HNRNPH3: variants seen among roughly 807,000 people sequenced by gnomAD.
The protein encoded by HNRNPH3 is heterogeneous nuclear ribonucleoprotein H3, also known as heterogeneous nuclear ribonucleoprotein 2H9.
HNRNPH3 carries 7 observed loss-of-function variants against 47.0 expected under a neutral mutation model. The ratio of observed to expected loss-of-function variants is 0.15; its 90% CI spans 0.08 to 0.28. HNRNPH3 has a LOEUF of 0.28. HNRNPH3 is among the 10% of genes least tolerant of loss of function. The pLI is 1.00. For missense variants in HNRNPH3, 279 were observed against 449.6 expected (o/e 0.62, Z 3.43); for synonymous variants, 120 against 143.2 (o/e 0.84, Z 1.16).
intron 1 of HNRNPH3, among the ~76,000 whole-genome samples, chr10:68,336,476 A>T (rs2045551256): frequency 6.6e-6 from 1 of 152,176 alleles, no homozygotes; most frequent in Non-Finnish European, 1.5e-5. Context: ...AATTTGAGTA[A>T]ACTGGTTTCT....
Position 68,341,621 on chromosome 10 carries a change from C to T in HNRNPH3, c.812C>T (p.Pro271Leu), listed in dbSNP as rs2045950877. The change falls in exon 8 of 10, where the codon CCT becomes CTT. Residue 271 changes from proline to leucine, a missense_variant. By Grantham distance (98) the Pro-to-Leu change is moderately conservative. This residue lies in a region of HNRNPH3 where 239 missense variants were observed against 335.8 expected (regional missense o/e 0.71). Transcript: ENST00000265866. ...RYIELFLNST[P>L]GGGSGMGGSG... Reference sequence around the variant, plus strand: ...ATTGAACTCTTCTTGAATTCTACTCCTGGAGGCGGCTCTGGCATGGGAGGT... The same window carrying T: ...ATTGAACTCTTCTTGAATTCTACTCTTGGAGGCGGCTCTGGCATGGGAGGT... The T allele has an allele frequency of 1.9e-6, 3 of 1,613,320 alleles. No individual in the cohort carries two copies. The highest frequency in any genetic ancestry group is 2.7e-5 in the African/African-American group (2 of 74,846).
At chr10:68,335,814 T>C (rs2045518837) in intron 1 of HNRNPH3, among the ~76,000 whole-genome samples, 1 of 152,184 alleles carries the variant, frequency 6.6e-6, no homozygotes, top group Non-Finnish European at 1.5e-5. Flanking sequence ...GTGGTTCAGG[T>C]AGCCAGTGAG....
At chr10:68,341,423 C>A in intron 7 of HNRNPH3, 114 bp downstream of exon 7, 1 of 1,173,196 alleles carries the variant, frequency 8.5e-7, no homozygotes, top group Non-Finnish European at 1.2e-6. Flanking sequence ...AACCATTTGA[C>A]CTCTATAATG....
Position 68,339,395 on chromosome 10 carries a change from TTGTATC to T in HNRNPH3, c.524-40_524-35del, listed in dbSNP as rs753166139. The T allele has an allele frequency of 3.2e-5, 49 of 1,551,750 alleles. No homozygotes were observed. The African/African-American group carries it at 6.2e-4, about 20-fold the overall frequency. The stretch of plus-strand genomic sequence containing the variant: ...ATAGTATGTATGTATACTTCCCTAC[TTGTATC>T]TGTAATAGTTTATAATCTTGGCAAA... On this transcript the variant is annotated intron_variant, in intron 5 of 9. Transcript: ENST00000265866.
At position 68,337,602 on chromosome 10, in the gene HNRNPH3, T is replaced by A; in HGVS notation, c.113-256T>A. On this transcript the variant is annotated intron_variant, in intron 2 of 9. Coordinates refer to ENST00000265866, the MANE Select transcript of HNRNPH3 (RefSeq NM_012207.3). The surrounding 1 kb of genome is among the most constrained non-coding windows in gnomAD (Gnocchi z 4.5). ...TATATGGAGCATATATTTGATTTTGTAGCCTTTTTTCATGTAATATAGGTG... is the reference window on the plus strand; with the variant it reads ...TATATGGAGCATATATTTGATTTTGAAGCCTTTTTTCATGTAATATAGGTG... The A allele has an allele frequency of 1.9e-6, 1 of 529,124 alleles. No homozygotes were observed. The highest frequency in any genetic ancestry group is 3.5e-5 in the Admixed American group (1 of 28,620). 32.8% of individuals were successfully genotyped at this position (529,124 alleles called of 1,614,324 possible). A position where few individuals can be genotyped will look rare whatever the true frequency, so the allele number is the denominator to read the frequency against.
intron 6 of HNRNPH3, 127 bp from the exon 7 acceptor site, chr10:68,341,047 G>C: frequency 1.6e-6 from 1 of 623,144 alleles, no homozygotes; most frequent in Non-Finnish European, 2.7e-6. Flanking sequence ...CTCTGTAGTT[G>C]ACTAAGTTAT....
At chr10:68,332,771 T>G (rs2045254409) in intron 1 of HNRNPH3, 2 of 152,226 alleles carry the variant, frequency 1.3e-5, no homozygotes, top group Non-Finnish European at 2.9e-5. Context: ...CTCCGCAGTC[T>G]CGGCAGGGCT....
chr10:68,341,893 G>A, intron 9 of HNRNPH3, 42 bp downstream of exon 9: 4 of 1,591,788 alleles, frequency 2.5e-6, no homozygotes, highest in Non-Finnish European at 3.4e-6. Flanking sequence ...CGCATATGTA[G>A]TGCAAACTTT....
At chr10:68,339,584 T>C in intron 6 of HNRNPH3, 29 bp downstream of exon 6, 1 of 1,350,564 alleles carries the variant, frequency 7.4e-7, no homozygotes, top group Non-Finnish European at 1.1e-6. Context: ...CTATTAGTGG[T>C]TTTATACTTA....
rs1189878857 is a variant in HNRNPH3, at chr10:68,341,811, C to T, written c.924C>T (p.Tyr308=). The change falls in exon 9 of 10, where the codon TAC becomes TAT. Residue 308 remains tyrosine, a synonymous_variant. Transcript: ENST00000265866. ...SVGRMGMGNN[Y]SGGYGTPDGL... The stretch of plus-strand genomic sequence containing the variant: ...GAAGAATGGGAATGGGGAACAATTA[C>T]AGTGGAGGATATGGTACTCCTGATG... The T allele has an allele frequency of 1.9e-6, 3 of 1,610,790 alleles. No homozygotes were observed. Among genetic ancestry groups the T allele is most frequent in the East Asian group, 2.2e-5 (1 of 44,856 alleles).
chr10:68,334,367 G>C (rs926500892), intron 1 of HNRNPH3, among the ~76,000 whole-genome samples: 18 of 152,106 alleles, frequency 1.2e-4, no homozygotes, highest in Non-Finnish European at 2.6e-4. Context: ...CGTGTTAAGA[G>C]GATTCTCTAT....
chr10:68,336,996 TC>T (rs2045577620), intron 1 of HNRNPH3: 1 of 429,402 alleles, frequency 2.3e-6, no homozygotes, highest in South Asian at 5.7e-5. Flanking sequence ...TCAGTACTTT[TC>T]CGTAGGAGGG....
intron 3 of HNRNPH3, 192 bp downstream of exon 3, chr10:68,338,188 TG>T (rs2045633391): frequency 6.2e-6 from 3 of 486,972 alleles, no homozygotes; most frequent in Non-Finnish European, 1.1e-5. Flanking sequence ...AAAATTAGAT[TG>T]TTTCCATTTC....
At chr10:68,341,372 C>G (rs2045923827) in intron 7 of HNRNPH3, 63 bp downstream of exon 7, 4 of 1,518,094 alleles carry the variant, frequency 2.6e-6, no homozygotes, top group African/African-American at 2.8e-5. Flanking sequence ...ATAAGAGGCT[C>G]TAAGATCTGT....
chr10:68,341,534 T>C, intron 7 of HNRNPH3, 51 bp from the exon 8 acceptor site: 1 of 1,286,866 alleles, frequency 7.8e-7, no homozygotes, highest in Non-Finnish European at 1.1e-6. Flanking sequence ...TATTGATGAA[T>C]TTTATCCATC....
intron 6 of HNRNPH3, 75 bp downstream of exon 6, chr10:68,339,630 C>A (rs776072473): frequency 1.3e-4 from 116 of 905,282 alleles, no homozygotes; most frequent in Middle Eastern, 1.1e-3. Flanking sequence ...TCTTAATGTT[C>A]TCATGTTTAT....
chr10:68,335,654 A>G (rs1341911090), intron 1 of HNRNPH3, among the ~76,000 whole-genome samples: 1 of 152,166 alleles, frequency 6.6e-6, no homozygotes, highest in African/African-American at 2.4e-5. Context: ...TGTGTATGGT[A>G]TAGCTCACTG....
chr10:68,332,136 G>C lies in HNRNPH3; in HGVS notation c.-104G>C, dbSNP rs184558455. 6.6e-6 allele frequency: 1 copy of C among 152,276 alleles called. No individual in the cohort carries two copies. The highest frequency in any genetic ancestry group is 1.5e-5 in the Non-Finnish European group (1 of 68,080). The allele number at this position is 152,276 out of a possible 1,614,324, so 9.4% of individuals were successfully genotyped here. ...GGTTGGGAGAACCGTTGTGGCGAGC[G>C]CTACACGAGGCAAACGACTTCTCCC... is the stretch of plus-strand genomic sequence containing the variant. On this transcript the variant is annotated 5_prime_UTR_variant, in exon 1 of 10. Transcript: ENST00000265866.
chr10:68,339,246 C>T lies in HNRNPH3; in HGVS notation c.523+20C>T, dbSNP rs2045700202. On this transcript the variant is annotated intron_variant, in intron 5 of 9. Coordinates refer to ENST00000265866, the MANE Select transcript of HNRNPH3 (RefSeq NM_012207.3). Reference sequence around the variant, plus strand: ...GAAGAGGTAAAATAAATATTAAAGACATTTTTATTCATAGGTAAATTTTAG... The same window carrying T: ...GAAGAGGTAAAATAAATATTAAAGATATTTTTATTCATAGGTAAATTTTAG... The T allele has an allele frequency of 6.4e-7, 1 of 1,568,672 alleles. No homozygotes were observed. Among genetic ancestry groups the T allele is most frequent in the South Asian group, 1.1e-5 (1 of 88,638 alleles).
Sources: allele counts gnomAD v4.1 joint callset (sites outside exome capture counted in the v4.1 genomes callset), GRCh38; gene constraint gnomAD v4.1.1; regional missense constraint gnomAD v4.1.1; non-coding constraint Gnocchi (gnomAD v3.1); transcripts MANE v1.5; gene names NCBI Gene and HGNC (gene_info 2026-07-23, HGNC 2026-07-21).